The following ZCCHC10 variants were observed in gnomAD, a reference collection of about 807,000 sequenced individuals.
The protein encoded by ZCCHC10 is zinc finger CCHC domain-containing protein 10.
In ZCCHC10, 16 loss-of-function variants were observed where a neutral mutation model predicts 19.5. That is an observed-to-expected ratio of 0.82 (90% CI 0.56 to 1.25). The LOEUF is 1.25. Ranked by LOEUF, ZCCHC10 falls within the 50% of genes most tolerant of loss-of-function variation. ZCCHC10 has a pLI of 0.00. For synonymous variants in ZCCHC10, 67 were observed against 72.5 expected, an observed-to-expected ratio of 0.92 and a Z score of 0.38; for missense variants, 197 against 201.0, an observed-to-expected ratio of 0.98 and a Z score of 0.12.
At chr5:133,021,659 C>A (rs1752591656) in intron 2 of ZCCHC10, among the ~76,000 whole-genome samples, 1 of 152,108 alleles carries the variant, frequency 6.6e-6, no homozygotes, top group Non-Finnish European at 1.5e-5. Flanking sequence ...CACGTGGATT[C>A]AAGACTTATT....
intron 1 of ZCCHC10, among the ~76,000 whole-genome samples, chr5:133,026,034 A>G (rs1178387251): frequency 1.3e-5 from 2 of 152,220 alleles, no homozygotes; most frequent in Admixed American, 1.3e-4. Flanking sequence ...TGGGAAAGCA[A>G]TCGGCATTGA....
intron 2 of ZCCHC10, among the ~76,000 whole-genome samples, chr5:133,018,022 G>A (rs1288471278): frequency 6.6e-6 from 1 of 151,936 alleles, no homozygotes; most frequent in Non-Finnish European, 1.5e-5. Flanking sequence ...GCACATGCCT[G>A]TAGTCCCAAC....
chr5:133,014,772 C>T (rs543374860), intron 2 of ZCCHC10, among the ~76,000 whole-genome samples: 2 of 152,342 alleles, frequency 1.3e-5, no homozygotes, highest in East Asian at 3.9e-4. Context: ...CACAGCTTCG[C>T]CCAGAGTGAA....
chr5:133,021,558 C>G (rs1764312738), intron 2 of ZCCHC10, among the ~76,000 whole-genome samples: 1 of 152,130 alleles, frequency 6.6e-6, no homozygotes, highest in African/African-American at 2.4e-5. Flanking sequence ...GAAATCGCAG[C>G]AGCTTTTGGT....
At chr5:133,004,121 A>T (rs1285076290) in intron 3 of ZCCHC10, among the ~76,000 whole-genome samples, 2 of 151,970 alleles carry the variant, frequency 1.3e-5, no homozygotes, top group Non-Finnish European at 2.9e-5. Context: ...TCCTATTTTT[A>T]AATTTTATTT....
chr5:133,014,515 C>G (rs375508110), intron 2 of ZCCHC10, among the ~76,000 whole-genome samples: 1 of 152,150 alleles, frequency 6.6e-6, no homozygotes, highest in Admixed American at 6.6e-5. Context: ...CTTAACGTCC[C>G]GTATAGCAAA....
intron 2 of ZCCHC10, among the ~76,000 whole-genome samples, chr5:133,011,645 A>G (rs1763538828): frequency 6.6e-6 from 1 of 151,076 alleles, no homozygotes; most frequent in Admixed American, 6.6e-5. Context: ...AAAAAAAAAA[A>G]AAACCTGACT....
intron 3 of ZCCHC10, among the ~76,000 whole-genome samples, chr5:133,005,771 G>C (rs1020527016): frequency 1.3e-5 from 2 of 152,082 alleles, no homozygotes; most frequent in Non-Finnish European, 2.9e-5. Context: ...TTAGAAAAGG[G>C]GAAGTAGAAA....
chr5:133,004,921 T>A (rs1332469207), intron 3 of ZCCHC10, among the ~76,000 whole-genome samples: 3 of 152,230 alleles, frequency 2.0e-5, no homozygotes, highest in African/African-American at 7.2e-5. Flanking sequence ...ACAAGTCACA[T>A]AATAATATTC....
intron 2 of ZCCHC10, among the ~76,000 whole-genome samples, chr5:133,013,644 C>T (rs1581409429): frequency 6.6e-6 from 1 of 152,120 alleles, no homozygotes; most frequent in Admixed American, 6.6e-5. Context: ...ATCGCTTGAA[C>T]CCAGGTGGCG....
At chr5:133,000,472 G>T (rs1445475671) in intron 3 of ZCCHC10, among the ~76,000 whole-genome samples, 1 of 152,092 alleles carries the variant, frequency 6.6e-6, no homozygotes, top group African/African-American at 2.4e-5. Context: ...TGGAACTTAG[G>T]CTGATATAGC....
chr5:133,000,479 T>C (rs1014410087), intron 3 of ZCCHC10, among the ~76,000 whole-genome samples: 3 of 152,170 alleles, frequency 2.0e-5, no homozygotes, highest in African/African-American at 7.2e-5. Flanking sequence ...TAGGCTGATA[T>C]AGCTGTATCA....
intron 2 of ZCCHC10, among the ~76,000 whole-genome samples, chr5:133,009,162 C>T (rs1280738854): frequency 6.6e-6 from 1 of 152,124 alleles, no homozygotes; most frequent in East Asian, 2.0e-4. Context: ...ACTATCACGC[C>T]CGGCTAATTT....
At chr5:133,019,266 T>C (rs748105521) in intron 2 of ZCCHC10, 15 of 250,274 alleles carry the variant, frequency 6.0e-5, no homozygotes, top group Non-Finnish European at 1.2e-4. Flanking sequence ...ATATTTTATA[T>C]GTATGTTTTA....
At chr5:133,001,008 A>C (rs1762735001) in intron 3 of ZCCHC10, among the ~76,000 whole-genome samples, 2 of 152,174 alleles carry the variant, frequency 1.3e-5, no homozygotes, top group Admixed American at 6.6e-5. Context: ...CATTAGTTAT[A>C]AAGTCTGGTA....
intron 3 of ZCCHC10, among the ~76,000 whole-genome samples, chr5:133,003,542 C>A (rs1457253747): frequency 1.3e-5 from 2 of 152,044 alleles, no homozygotes; most frequent in East Asian, 1.9e-4. Flanking sequence ...ACCCAAAAAA[C>A]CCAGCATCTT....
intron 2 of ZCCHC10, among the ~76,000 whole-genome samples, chr5:133,015,472 G>A (rs573690095): frequency 6.6e-6 from 1 of 152,150 alleles, no homozygotes; most frequent in Non-Finnish European, 1.5e-5. Flanking sequence ...CTTGGGTGTG[G>A]CTTGGACTTC....
intron 2 of ZCCHC10, among the ~76,000 whole-genome samples, chr5:133,022,457 CT>C (rs752460017): frequency 0.02 from 2,759 of 141,346 alleles, 68 homozygotes; most frequent in African/African-American, 0.063. Context: ...TATTGTTCAA[CT>C]TTTTTTTTTT....
chr5:133,011,752 C>T (rs1763551069), intron 2 of ZCCHC10, among the ~76,000 whole-genome samples: 1 of 151,866 alleles, frequency 6.6e-6, no homozygotes, highest in Admixed American at 6.6e-5. Flanking sequence ...GTCAGTTCTC[C>T]CCAAATTCCT....
Sources: allele counts gnomAD v4.1 joint callset (sites outside exome capture counted in the v4.1 genomes callset), GRCh38; gene constraint gnomAD v4.1.1; transcripts MANE v1.5; gene names NCBI Gene and HGNC (gene_info 2026-07-23, HGNC 2026-07-21).